The following SLC4A4 variants were observed in gnomAD, a reference collection of about 807,000 sequenced individuals.
SLC4A4 encodes the protein electrogenic sodium bicarbonate cotransporter 1.
A neutral mutation model predicts 111.5 loss-of-function variants in SLC4A4; 27 were observed. That is an observed-to-expected ratio of 0.24 (90% CI 0.18 to 0.33). SLC4A4 has a LOEUF of 0.33. Among genes scored for constraint, SLC4A4 ranks in the 10% least tolerant of loss-of-function variants. The probability of loss-of-function intolerance (pLI) is 1.00; values close to 1 mark genes in which losing one functional copy is unlikely to be tolerated. For missense variants in SLC4A4, 909 were observed against 1,315.5 expected (o/e 0.69, Z 4.78); for synonymous variants, 443 against 463.4 (o/e 0.96, Z 0.57).
intron 3 of SLC4A4, among the ~76,000 whole-genome samples, chr4:71,298,959 T>G (rs1227702068): frequency 1.3e-5 from 2 of 152,250 alleles, no homozygotes; most frequent in African/African-American, 4.8e-5. Flanking sequence ...TAGGGAAATC[T>G]TAGCAAATTT....
chr4:71,346,451 G>A (rs1729335625), intron 4 of SLC4A4, among the ~76,000 whole-genome samples: 1 of 134,436 alleles, frequency 7.4e-6, no homozygotes. Context: ...GTATACTATT[G>A]CAAATATGTA....
chr4:71,133,698 G>A (rs1287950933), intron 2 of SLC4A4, among the ~76,000 whole-genome samples: 1 of 152,208 alleles, frequency 6.6e-6, no homozygotes, highest in East Asian at 1.9e-4. Context: ...CTCCATAGAT[G>A]TGAGTCCTAG....
chr4:71,492,508 T>A (rs771632330), intron 15 of SLC4A4, among the ~76,000 whole-genome samples: 4 of 151,906 alleles, frequency 2.6e-5, no homozygotes, highest in Non-Finnish European at 4.4e-5. Context: ...TCTTTAAATC[T>A]TTTCCCCCAG....
intron 7 of SLC4A4, among the ~76,000 whole-genome samples, chr4:71,401,293 CG>C: frequency 6.6e-6 from 1 of 152,122 alleles, no homozygotes; most frequent in Non-Finnish European, 1.5e-5. Flanking sequence ...ATTTCAGTAG[CG>C]GCTGCTTTAT....
At chr4:71,318,116 G>A (rs1726833447) in intron 3 of SLC4A4, among the ~76,000 whole-genome samples, 1 of 151,998 alleles carries the variant, frequency 6.6e-6, no homozygotes, top group Admixed American at 6.6e-5. Flanking sequence ...TGTGATAATG[G>A]AAAATAGAAG....
intron 1 of SLC4A4, among the ~76,000 whole-genome samples, chr4:71,090,004 C>T (rs940060036): frequency 6.6e-6 from 1 of 150,678 alleles, no homozygotes; most frequent in Non-Finnish European, 1.5e-5. Context: ...GTGGAGTCTA[C>T]AGAGGCAGGC....
At position 71,472,880 on chromosome 4, in the gene SLC4A4, A is replaced by T; in HGVS notation, c.1813A>T (p.Ile605Phe). Residue 605 changes from isoleucine (I) to phenylalanine (F), a missense_variant, in exon 14 of 26, where the codon ATC becomes TTC. Coordinates refer to ENST00000264485, the MANE Select transcript of SLC4A4 (RefSeq NM_001098484.3). The stretch of plus-strand genomic sequence containing the variant: ...TATCTATGATGCTTTCAAGAAGATG[A>T]TCAAGCTTGCAGATTACTACCCCAT... The part of the protein sequence containing the change: ...IFIYDAFKKM[I>F]KLADYYPINS... 1 of 1,612,892 alleles carries T rather than the reference A, an allele frequency of 6.2e-7. No individual in the cohort carries two copies. The highest frequency in any genetic ancestry group is 1.3e-5 in the African/African-American group (1 of 74,934).
At chr4:71,065,148 T>G (rs568701979) in intron 1 of SLC4A4, among the ~76,000 whole-genome samples, 2 of 152,214 alleles carry the variant, frequency 1.3e-5, no homozygotes, top group Non-Finnish European at 2.9e-5. Flanking sequence ...AGGAAAATAC[T>G]CCCAAGCTAC....
intron 5 of SLC4A4, among the ~76,000 whole-genome samples, chr4:71,350,593 A>G (rs1053197006): frequency 6.6e-6 from 1 of 152,086 alleles, no homozygotes; most frequent in African/African-American, 2.4e-5. Flanking sequence ...TCTAACTAAC[A>G]AGCTCTCCGA....
At chr4:71,133,848 A>C (rs1743775012) in intron 2 of SLC4A4, among the ~76,000 whole-genome samples, 1 of 152,164 alleles carries the variant, frequency 6.6e-6, no homozygotes, top group Non-Finnish European at 1.5e-5. Context: ...TCTTTCTAGA[A>C]CTTTCAAGGA....
At chr4:71,147,932 G>T (rs1312140253) in intron 2 of SLC4A4, among the ~76,000 whole-genome samples, 1 of 152,162 alleles carries the variant, frequency 6.6e-6, no homozygotes, top group African/African-American at 2.4e-5. Flanking sequence ...GAACTGGGCT[G>T]GTTTCAAGAA....
intron 7 of SLC4A4, among the ~76,000 whole-genome samples, chr4:71,425,468 T>C (rs1723037514): frequency 1.3e-5 from 2 of 152,142 alleles, no homozygotes; most frequent in African/African-American, 4.8e-5. Context: ...CTGTCTTGTG[T>C]AAACCAAAAA....
chr4:71,489,683 A>G (rs756933554), intron 15 of SLC4A4, among the ~76,000 whole-genome samples: 1 of 151,732 alleles, frequency 6.6e-6, no homozygotes, highest in Non-Finnish European at 1.5e-5. Context: ...CTGCTTGGTT[A>G]TGCTAGCCGG....
intron 14 of SLC4A4, 117 bp downstream of exon 14, chr4:71,473,087 T>C (rs1577987766): frequency 8.4e-7 from 1 of 1,192,576 alleles, no homozygotes; most frequent in Non-Finnish European, 1.2e-6. Flanking sequence ...CTTGTTTTTT[T>C]CTCTGAAAAA....
upstream of SLC4A4, chr4:71,187,109 A>C (rs1194687829): frequency 6.6e-6 from 1 of 151,356 alleles, no homozygotes; most frequent in Non-Finnish European, 1.5e-5. Flanking sequence ...GCGCGCACCC[A>C]CCCAGGCGGC....
intron 1 of SLC4A4, among the ~76,000 whole-genome samples, chr4:71,089,169 C>T (rs569069201): frequency 1.3e-5 from 2 of 152,066 alleles, no homozygotes; most frequent in African/African-American, 2.4e-5. Context: ...TCACTGATAC[C>T]CTTTCTTCCA....
rs1386225913 is a variant in SLC4A4 at position 71,402,901 on chromosome 4, A to G, written c.807+5248A>G. ...CTGTCTACAAGAAATTTGGCTTAAGATAGCTTCCTTTTCCCATTCTATGCT... is the reference window on the plus strand; with the variant it reads ...CTGTCTACAAGAAATTTGGCTTAAGGTAGCTTCCTTTTCCCATTCTATGCT... On this transcript the variant is annotated intron_variant, in intron 7 of 25. Coordinates refer to ENST00000264485, the MANE Select transcript of SLC4A4 (RefSeq NM_001098484.3). Among the ~76,000 whole-genome samples the G allele has an allele frequency of 2.0e-5, 3 of 152,218 alleles. No homozygotes were observed. In the East Asian group the frequency reaches 5.8e-4, roughly 29 times the overall value.
chr4:71,251,216 A>C (rs1340476581), intron 2 of SLC4A4, among the ~76,000 whole-genome samples: 2 of 152,208 alleles, frequency 1.3e-5, no homozygotes, highest in African/African-American at 4.8e-5. Context: ...TGGTAGCAAA[A>C]TGTGTATTTG....
intron 2 of SLC4A4, among the ~76,000 whole-genome samples, chr4:71,243,327 A>G (rs760836276): frequency 2.2e-4 from 33 of 152,176 alleles, no homozygotes; most frequent in Non-Finnish European, 4.3e-4. Context: ...ATTAAATGAG[A>G]TTATGCAACA....
Sources: gnomAD v4.1 joint callset for allele counts (sites outside exome capture counted in the v4.1 genomes callset) on GRCh38, gnomAD v4.1.1 for gene constraint, MANE v1.5 for transcripts, NCBI Gene and HGNC (gene_info 2026-07-23, HGNC 2026-07-21) for gene names.